JAKMIP2: variants seen among roughly 807,000 people sequenced by gnomAD.
JAKMIP2 encodes the protein janus kinase and microtubule interacting protein 2, also known as janus kinase and microtubule-interacting protein 2.
JAKMIP2 carries 25 observed loss-of-function variants against 115.0 expected under a neutral mutation model. That is an observed-to-expected ratio of 0.22 (90% CI 0.16 to 0.30). The LOEUF (loss-of-function observed/expected upper bound fraction) is 0.30, where lower values mean the gene tolerates loss of function less well. Among genes scored for constraint, JAKMIP2 ranks in the 10% least tolerant of loss-of-function variants. The pLI is 1.00. For missense variants in JAKMIP2, 642 were observed against 957.6 expected (o/e 0.67, Z 4.35); for synonymous variants, 334 against 343.6 (o/e 0.97, Z 0.31).
At chr5:147,734,634 A>C (rs557807255) in intron 1 of JAKMIP2, among the ~76,000 whole-genome samples, 1 of 151,410 alleles carries the variant, frequency 6.6e-6, no homozygotes, top group African/African-American at 2.4e-5. Context: ...CATGTATCCC[A>C]GAACTTATAC....
chr5:147,708,060 A>C (rs987277470), intron 1 of JAKMIP2, among the ~76,000 whole-genome samples: 2 of 152,244 alleles, frequency 1.3e-5, no homozygotes, highest in African/African-American at 4.8e-5. Context: ...AGATATCCTT[A>C]GGAGACATTC....
intron 1 of JAKMIP2, among the ~76,000 whole-genome samples, chr5:147,764,630 G>C (rs927750467): frequency 6.6e-6 from 1 of 151,866 alleles, no homozygotes; most frequent in African/African-American, 2.4e-5. Flanking sequence ...TCACGACCCT[G>C]TAATCCCAGC....
chr5:147,620,740 G>C lies in JAKMIP2; in HGVS notation c.2068C>G (p.Gln690Glu). The C allele has an allele frequency of 6.2e-7, 1 of 1,612,110 alleles. No individual in the cohort carries two copies. The highest frequency in any genetic ancestry group is 8.5e-7 in the Non-Finnish European group (1 of 1,178,446). Residue 690 changes from glutamine to glutamate, a missense_variant, in exon 18 of 22, where the codon CAG (glutamine) becomes GAG (glutamate). Gln to Glu is a conservative substitution (Grantham distance 29). Coordinates refer to ENST00000616793, the MANE Select transcript of JAKMIP2 (RefSeq NM_001270941.2). ...KMMELESDMEQFCKIKGYLEE... is the reference protein window; with the variant it reads ...KMMELESDMEEFCKIKGYLEE... Reference sequence around the variant, plus strand: ...AGATAGCCTTTTATTTTGCAGAACTGTTCCTATAACAAAGGGCCATATTGA... The same window carrying C: ...AGATAGCCTTTTATTTTGCAGAACTCTTCCTATAACAAAGGGCCATATTGA...
chr5:147,617,882 C>T (rs1756665440), intron 19 of JAKMIP2, 29 bp downstream of exon 19: 1 of 1,593,458 alleles, frequency 6.3e-7, no homozygotes, highest in Non-Finnish European at 8.6e-7. Context: ...AGTACTAACC[C>T]TACGCAGAGG....
intron 19 of JAKMIP2, among the ~76,000 whole-genome samples, chr5:147,616,077 T>C (rs1389617280): frequency 6.6e-6 from 1 of 152,122 alleles, no homozygotes; most frequent in Non-Finnish European, 1.5e-5. Flanking sequence ...GTAATTCTAC[T>C]GACTAAGACA....
chr5:147,744,635 CT>C (rs1754282629), intron 1 of JAKMIP2, among the ~76,000 whole-genome samples: 2 of 152,074 alleles, frequency 1.3e-5, no homozygotes, highest in African/African-American at 2.4e-5. Flanking sequence ...TCATAGTTTA[CT>C]ATAAGCTGTT....
intron 1 of JAKMIP2, among the ~76,000 whole-genome samples, chr5:147,690,673 C>A (rs765603051): frequency 6.6e-6 from 1 of 151,306 alleles, no homozygotes; most frequent in Non-Finnish European, 1.5e-5. Context: ...CAGGGTCCAT[C>A]TCACTGAGGG....
chr5:147,593,639 C>T (rs945247675), intron 21 of JAKMIP2, among the ~76,000 whole-genome samples: 2 of 152,108 alleles, frequency 1.3e-5, no homozygotes, highest in African/African-American at 2.4e-5. Flanking sequence ...TGGCTTAAGA[C>T]TTTTGAGGAT....
rs139280529 is a variant in JAKMIP2 at position 147,626,548 on chromosome 5, T to C, written c.1995+2203A>G. Among the ~76,000 whole-genome samples the C allele has an allele frequency of 3.2e-3, 490 of 152,294 alleles. 2 individuals are homozygous for C. Among genetic ancestry groups the C allele is most frequent in the African/African-American group, 0.011 (466 of 41,568 alleles). On this transcript the variant is annotated intron_variant, in intron 16 of 21. Transcript: ENST00000616793. ...GTGACCTTAGGCAGTTATCTACCTT[T>C]TTTGTGCTTCAGATTCCTTGTGTGA...
intron 1 of JAKMIP2, among the ~76,000 whole-genome samples, chr5:147,699,812 G>A (rs1432440250): frequency 6.6e-6 from 1 of 152,190 alleles, no homozygotes; most frequent in Non-Finnish European, 1.5e-5. Flanking sequence ...GTATGAAGGA[G>A]TTTGCATAAA....
At chr5:147,677,366 A>G (rs1744174567) in intron 1 of JAKMIP2, among the ~76,000 whole-genome samples, 1 of 152,046 alleles carries the variant, frequency 6.6e-6, no homozygotes. Context: ...GGGATGTGTA[A>G]AATTATTGAT....
intron 1 of JAKMIP2, among the ~76,000 whole-genome samples, chr5:147,781,433 C>G (rs1269238053): frequency 6.6e-6 from 1 of 152,146 alleles, no homozygotes; most frequent in African/African-American, 2.4e-5. Flanking sequence ...GGTGGCATTT[C>G]AAGAAAACTG....
At chr5:147,616,048 C>A (rs576477029) in intron 19 of JAKMIP2, among the ~76,000 whole-genome samples, 1 of 151,946 alleles carries the variant, frequency 6.6e-6, no homozygotes, top group Non-Finnish European at 1.5e-5. Context: ...TGTTTCTAGC[C>A]GGAGTGATTT....
At chr5:147,654,807 T>G (rs1272758120) in intron 3 of JAKMIP2, among the ~76,000 whole-genome samples, 1 of 152,154 alleles carries the variant, frequency 6.6e-6, no homozygotes, top group Non-Finnish European at 1.5e-5. Context: ...CAAAGGGAAT[T>G]CTTCCAGTTT....
intron 1 of JAKMIP2, among the ~76,000 whole-genome samples, chr5:147,702,652 GAAAGAAAGAAAGAGAGAGAA>G (rs1338018779): frequency 0.012 from 1,386 of 118,506 alleles, 28 homozygotes; most frequent in African/African-American, 0.031. Context: ...AAGAAAGAAA[GAAAGAAAGAAAGAGAGAGAA>G]AGAAAGAGAA....
intron 20 of JAKMIP2, among the ~76,000 whole-genome samples, chr5:147,611,112 TG>T (rs1427393407): frequency 6.6e-6 from 1 of 152,160 alleles, no homozygotes; most frequent in Non-Finnish European, 1.5e-5. Flanking sequence ...GGTCTTAGCT[TG>T]CTGGGATCCA....
intron 19 of JAKMIP2, 129 bp from the exon 20 acceptor site, chr5:147,612,500 G>A (rs77648708): frequency 0.016 from 9,018 of 572,768 alleles, 109 homozygotes; most frequent in Non-Finnish European, 0.019. Context: ...TGGAAACATC[G>A]CATGTATGTT....
intron 1 of JAKMIP2, among the ~76,000 whole-genome samples, chr5:147,758,864 A>G (rs1486240831): frequency 6.6e-6 from 1 of 152,164 alleles, no homozygotes; most frequent in African/African-American, 2.4e-5. Flanking sequence ...CAATTTATTG[A>G]ACTATGTATA....
At chr5:147,645,131 G>C (rs766732254) in intron 5 of JAKMIP2, 135 bp from the exon 6 acceptor site, 93 of 730,870 alleles carry the variant, frequency 1.3e-4, no homozygotes, top group Non-Finnish European at 1.9e-4. Context: ...ACTGACCACT[G>C]ACATTTCAAT....
Sources: gnomAD v4.1 joint callset for allele counts (sites outside exome capture counted in the v4.1 genomes callset) on GRCh38, gnomAD v4.1.1 for gene constraint, MANE v1.5 for transcripts, NCBI Gene and HGNC (gene_info 2026-07-23, HGNC 2026-07-21) for gene names.